The following HS3ST5 variants were observed in gnomAD, a reference collection of about 807,000 sequenced individuals.
HS3ST5 encodes heparan sulfate-glucosamine 3-sulfotransferase 5.
A neutral mutation model predicts 25.4 loss-of-function variants in HS3ST5; 10 were observed. The observed-to-expected ratio is 0.39, with a 90% CI of 0.24 to 0.67. The LOEUF is 0.67. Among genes scored for constraint, HS3ST5 ranks in the 30% least tolerant of loss-of-function variants. The pLI, the probability that HS3ST5 is intolerant of heterozygous loss-of-function variation, is 0.44. For missense variants in HS3ST5, 324 were observed against 420.7 expected (o/e 0.77, Z 2.01); for synonymous variants, 170 against 162.4 (o/e 1.05, Z -0.36).
chr6:114,124,253 A>G (rs1776928479), intron 3 of HS3ST5, among the ~76,000 whole-genome samples: 1 of 152,084 alleles, frequency 6.6e-6, no homozygotes, highest in Non-Finnish European at 1.5e-5. Context: ...ACCCCATACA[A>G]TCCCAGCTCC....
At chr6:114,074,491 T>C (rs1344926019) in intron 3 of HS3ST5, among the ~76,000 whole-genome samples, 1 of 152,202 alleles carries the variant, frequency 6.6e-6, no homozygotes, top group Admixed American at 6.5e-5. Flanking sequence ...GTGTGCAGTA[T>C]GTTGCCAATA....
At chr6:114,231,021 G>T (rs1771564010) in intron 1 of HS3ST5, among the ~76,000 whole-genome samples, 1 of 152,096 alleles carries the variant, frequency 6.6e-6, no homozygotes, top group Non-Finnish European at 1.5e-5. Context: ...ATGGTGAACT[G>T]TAATCCCCAA....
intron 1 of HS3ST5, among the ~76,000 whole-genome samples, chr6:114,339,835 G>GTTAA (rs1289858638): frequency 1.3e-5 from 2 of 152,138 alleles, no homozygotes; most frequent in Non-Finnish European, 2.9e-5. Flanking sequence ...AAGTTGGCTG[G>GTTAA]TTAATATCTT....
At chr6:114,291,488 C>T (rs896151928) in intron 1 of HS3ST5, among the ~76,000 whole-genome samples, 6 of 152,258 alleles carry the variant, frequency 3.9e-5, no homozygotes, top group East Asian at 1.9e-4. Flanking sequence ...GACTGAACCT[C>T]GGGTCATCTA....
rs189055667 is a variant in HS3ST5 at position 114,323,445 on chromosome 6, T to C, written c.-339+18750A>G. 7.5e-4 allele frequency among the ~76,000 whole-genome samples: 114 copies of C among 152,270 alleles called. 1 individual carries two copies. The highest frequency in any genetic ancestry group is 1.2e-3 in the Non-Finnish European group (84 of 67,998). On this transcript the variant is annotated intron_variant, in intron 1 of 4. Coordinates refer to ENST00000312719, the MANE Select transcript of HS3ST5 (RefSeq NM_153612.4). ...TACATTTTATCCTCAAAAATCATTG[T>C]AACCCTTAGTTGACAGTATGATTGG...
At chr6:114,077,319 A>AATT (rs1221134840) in intron 3 of HS3ST5, among the ~76,000 whole-genome samples, 1 of 152,194 alleles carries the variant, frequency 6.6e-6, no homozygotes, top group Non-Finnish European at 1.5e-5. Context: ...CTGGAATCCC[A>AATT]ATTACTCTTA....
intron 3 of HS3ST5, among the ~76,000 whole-genome samples, chr6:114,161,777 T>C (rs1216062548): frequency 3.9e-5 from 5 of 127,542 alleles, no homozygotes; most frequent in Admixed American, 9.0e-5. Flanking sequence ...ATAAAATCAC[T>C]TTCTCTATGG....
At chr6:114,285,715 G>C (rs1774308999) in intron 1 of HS3ST5, among the ~76,000 whole-genome samples, 1 of 151,988 alleles carries the variant, frequency 6.6e-6, no homozygotes, top group Non-Finnish European at 1.5e-5. Flanking sequence ...AAATAGCTAT[G>C]CATGGAGGGC....
rs536865206 is a variant in HS3ST5, at chr6:114,267,459, T to C, written c.-338-38681A>G. Among the ~76,000 whole-genome samples, 10 of 152,256 alleles carry C rather than the reference T, an allele frequency of 6.6e-5. No individual in the cohort carries two copies. The South Asian group carries it at 2.1e-3, about 32-fold the overall frequency. ...GTTAAGAATAGGGTGTCCCAAGTGC[T>C]CTGGGCCTGGAGGTGAGGAAGGGTG... On this transcript the variant is annotated intron_variant, in intron 1 of 4. Coordinates refer to ENST00000312719, the MANE Select transcript of HS3ST5 (RefSeq NM_153612.4).
At chr6:114,139,655 G>GT (rs1236729827) in intron 3 of HS3ST5, among the ~76,000 whole-genome samples, 5 of 152,076 alleles carry the variant, frequency 3.3e-5, no homozygotes, top group Non-Finnish European at 7.4e-5. Context: ...TCTGTGCTAG[G>GT]TTTTGCCTTG....
intron 1 of HS3ST5, among the ~76,000 whole-genome samples, chr6:114,278,865 G>C (rs1773981945): frequency 6.6e-6 from 1 of 151,968 alleles, no homozygotes; most frequent in Non-Finnish European, 1.5e-5. Flanking sequence ...CACAGCAAAC[G>C]ACAGAATGCA....
At chr6:114,289,663 G>A (rs78849974) in intron 1 of HS3ST5, among the ~76,000 whole-genome samples, 53 of 152,166 alleles carry the variant, frequency 3.5e-4, no homozygotes, top group African/African-American at 1.3e-3. Context: ...ATTAATACTT[G>A]TTATCTATCT....
chr6:114,219,517 C>G (rs1008851068), intron 2 of HS3ST5, among the ~76,000 whole-genome samples: 26 of 152,060 alleles, frequency 1.7e-4, no homozygotes, highest in African/African-American at 5.8e-4. Flanking sequence ...ATAAACATTT[C>G]CAAGGACATC....
At chr6:114,212,860 T>C (rs953339673) in intron 2 of HS3ST5, among the ~76,000 whole-genome samples, 2 of 152,058 alleles carry the variant, frequency 1.3e-5, no homozygotes, top group East Asian at 1.9e-4. Flanking sequence ...CAACCCCTCA[T>C]GGGAGGGGGA....
At chr6:114,105,699 T>A (rs1210175889) in intron 3 of HS3ST5, among the ~76,000 whole-genome samples, 1 of 152,134 alleles carries the variant, frequency 6.6e-6, no homozygotes, top group African/African-American at 2.4e-5. Flanking sequence ...GCACTATAAA[T>A]TTGCTATAAT....
intron 2 of HS3ST5, among the ~76,000 whole-genome samples, chr6:114,197,130 T>TTC (rs1416273506): frequency 1.1e-5 from 1 of 88,694 alleles, no homozygotes; most frequent in Non-Finnish European, 2.4e-5. Context: ...CTTTCTTTCT[T>TTC]TTTTTTTTTT....
intron 1 of HS3ST5, among the ~76,000 whole-genome samples, 192 bp from the exon 2 acceptor site, chr6:114,228,970 C>A (rs1203376248): frequency 6.6e-6 from 1 of 152,200 alleles, no homozygotes; most frequent in Non-Finnish European, 1.5e-5. Context: ...GCAGGGCATT[C>A]TGGTTGAATT....
chr6:114,058,730 T>C (rs1772920086), intron 4 of HS3ST5: 1 of 153,356 alleles, frequency 6.5e-6, no homozygotes, highest in South Asian at 2.0e-4. Flanking sequence ...ACCTGCAAAA[T>C]TCCAATCTTG....
At chr6:114,232,913 C>T (rs1474882708) in intron 1 of HS3ST5, among the ~76,000 whole-genome samples, 1 of 152,074 alleles carries the variant, frequency 6.6e-6, no homozygotes, top group Admixed American at 6.5e-5. Context: ...TAAAAAAACA[C>T]AATTAATTGT....
Sources: gnomAD v4.1 joint callset for allele counts (sites outside exome capture counted in the v4.1 genomes callset) on GRCh38, gnomAD v4.1.1 for gene constraint, MANE v1.5 for transcripts, NCBI Gene and HGNC (gene_info 2026-07-23, HGNC 2026-07-21) for gene names.